The following DCC variants were observed in gnomAD, a reference collection of about 807,000 sequenced individuals.
DCC encodes the protein netrin receptor DCC.
Under a neutral mutation model 172.5 loss-of-function variants are expected in DCC, and 58 were observed. The ratio of observed to expected loss-of-function variants is 0.34; its 90% CI spans 0.27 to 0.42. The LOEUF (loss-of-function observed/expected upper bound fraction) is 0.42. DCC is among the 10% of genes least tolerant of loss of function. DCC has a pLI of 1.00. For synonymous variants in DCC, 709 were observed against 644.5 expected (o/e 1.10, Z -1.52); for missense variants, 1,740 against 1,791.0 (o/e 0.97, Z 0.51).
In DCC at chr18:53,473,175, C is replaced by T. The variant is rs547303637; in HGVS notation, c.3736+5165C>T. 3.9e-5 allele frequency among the ~76,000 whole-genome samples: 6 copies of T among 152,224 alleles called. No homozygotes were observed. In the East Asian group the frequency reaches 7.7e-4, roughly 20 times the overall value. On this transcript the variant is annotated intron_variant, in intron 25 of 28. Transcript: ENST00000442544. Reference sequence around the variant, plus strand: ...GTTTGAATAACATGTTCTTGTAGCACGATATAGCATTTATTACACACAATA... The same window carrying T: ...GTTTGAATAACATGTTCTTGTAGCATGATATAGCATTTATTACACACAATA...
chr18:53,216,780 A>G (rs1362943144), intron 12 of DCC, among the ~76,000 whole-genome samples: 1 of 152,190 alleles, frequency 6.6e-6, no homozygotes, highest in Non-Finnish European at 1.5e-5. Flanking sequence ...TAAAGCAAAC[A>G]TAAAATTAGA....
intron 1 of DCC, among the ~76,000 whole-genome samples, chr18:52,743,625 G>A (rs1051083516): frequency 6.6e-5 from 10 of 152,176 alleles, no homozygotes; most frequent in African/African-American, 2.4e-4. Flanking sequence ...GGACACTCAG[G>A]CAGTTGCCTG....
chr18:53,344,667 C>G (rs906791386), intron 15 of DCC, among the ~76,000 whole-genome samples: 6 of 151,302 alleles, frequency 4.0e-5, no homozygotes, highest in Non-Finnish European at 8.8e-5. Flanking sequence ...GTCTTGAACT[C>G]CTGATGTCAT....
At chr18:52,830,242 A>C (rs987386286) in intron 2 of DCC, among the ~76,000 whole-genome samples, 6 of 152,208 alleles carry the variant, frequency 3.9e-5, no homozygotes, top group Non-Finnish European at 7.3e-5. Context: ...AATGTGGTCC[A>C]ACACAAACTC....
intron 1 of DCC, among the ~76,000 whole-genome samples, chr18:52,740,796 T>G (rs2036810459): frequency 6.6e-6 from 1 of 152,204 alleles, no homozygotes; most frequent in South Asian, 2.1e-4. Context: ...GTAACTGTAC[T>G]CTTTGTGGTC....
intron 14 of DCC, among the ~76,000 whole-genome samples, chr18:53,339,019 A>G (rs1488341072): frequency 2.6e-5 from 4 of 152,206 alleles, no homozygotes; most frequent in Non-Finnish European, 1.5e-5. Context: ...AATATTTGGA[A>G]TGCCAACTTA....
rs539181092 is a variant in DCC at position 52,644,308 on chromosome 18, A to G, written c.92-107746A>G. ...AGTTAGTGTGTAGAGGCTGGGTGTG[A>G]TGGCTCACGCCTGTAATCCCAGCAT... is the stretch of plus-strand genomic sequence containing the variant. On this transcript the variant is annotated intron_variant, in intron 1 of 28. Transcript: ENST00000442544. Among the ~76,000 whole-genome samples the G allele has an allele frequency of 1.2e-3, 183 of 152,152 alleles. 3 individuals carry two copies. Among genetic ancestry groups the G allele is most frequent in the African/African-American group, 4.3e-3 (177 of 41,520 alleles).
intron 13 of DCC, among the ~76,000 whole-genome samples, chr18:53,317,815 G>T (rs1353375239): frequency 1.3e-5 from 2 of 152,078 alleles, no homozygotes; most frequent in Non-Finnish European, 2.9e-5. Context: ...TATTTCTGTG[G>T]GATCAGTGGT....
chr18:52,755,811 G>A (rs1023604512), intron 2 of DCC, among the ~76,000 whole-genome samples: 1 of 151,774 alleles, frequency 6.6e-6, no homozygotes, highest in African/African-American at 2.4e-5. Flanking sequence ...CTTTCTCAAA[G>A]TGTCTTTTGA....
At chr18:52,393,568 T>C (rs1196806532) in intron 1 of DCC, among the ~76,000 whole-genome samples, 1 of 152,048 alleles carries the variant, frequency 6.6e-6, no homozygotes, top group Non-Finnish European at 1.5e-5. Context: ...CCTGCATCAG[T>C]ATCACCAGGA....
At chr18:52,718,862 C>G (rs565398875) in intron 1 of DCC, among the ~76,000 whole-genome samples, 3 of 152,258 alleles carry the variant, frequency 2.0e-5, no homozygotes, top group African/African-American at 7.2e-5. Flanking sequence ...AAATAGCAAT[C>G]CTTTTAGGAC....
At chr18:53,047,099 T>C (rs2144020783) in intron 5 of DCC, among the ~76,000 whole-genome samples, 1 of 150,522 alleles carries the variant, frequency 6.6e-6, no homozygotes, top group East Asian at 2.0e-4. Context: ...AGTGGACAAA[T>C]ATGATAAAAA....
At chr18:53,210,975 T>C (rs1568367614) in intron 11 of DCC, among the ~76,000 whole-genome samples, 1 of 152,074 alleles carries the variant, frequency 6.6e-6, no homozygotes, top group Non-Finnish European at 1.5e-5. Context: ...ACCACTGAGA[T>C]TATACAGCAT....
At chr18:53,058,248 A>G (rs2042440735) in intron 5 of DCC, among the ~76,000 whole-genome samples, 1 of 152,162 alleles carries the variant, frequency 6.6e-6, no homozygotes, top group African/African-American at 2.4e-5. Flanking sequence ...GAATTAGTTT[A>G]AGTAGATTAA....
intron 5 of DCC, among the ~76,000 whole-genome samples, chr18:53,037,137 C>T (rs1409094197): frequency 6.6e-6 from 1 of 151,922 alleles, no homozygotes; most frequent in Non-Finnish European, 1.5e-5. Context: ...TCAACTCAGT[C>T]AATGATGCCT....
chr18:52,423,256 T>C (rs1987310780), intron 1 of DCC, among the ~76,000 whole-genome samples: 1 of 152,148 alleles, frequency 6.6e-6, no homozygotes, highest in South Asian at 2.1e-4. Context: ...ATCGGCTGTA[T>C]ACACAAGTGC....
chr18:53,320,197 C>T (rs1473632598), intron 13 of DCC, among the ~76,000 whole-genome samples: 3 of 151,496 alleles, frequency 2.0e-5, no homozygotes, highest in Non-Finnish European at 4.4e-5. Context: ...CTCAGCCTCC[C>T]GAGTAGCTGG....
At chr18:53,257,805 C>A (rs1468950841) in intron 12 of DCC, among the ~76,000 whole-genome samples, 1 of 152,114 alleles carries the variant, frequency 6.6e-6, no homozygotes, top group South Asian at 2.1e-4. Flanking sequence ...CCTCCTTGTA[C>A]CTCTGGTAGA....
At position 53,486,885 on chromosome 18, in the gene DCC, G is replaced by T. The variant is rs753536689; in HGVS notation, c.3825G>T (p.Pro1275=). 2.6e-5 allele frequency: 42 copies of T among 1,614,110 alleles called. No homozygotes were observed. The highest frequency in any genetic ancestry group is 3.3e-5 in the Admixed American group (2 of 60,010). Residue 1275 remains proline (P), a synonymous_variant, in exon 26 of 29, where the codon CCG becomes CCT. Coordinates refer to ENST00000442544, the MANE Select transcript of DCC (RefSeq NM_005215.4). ...LPSPTCGYPH[P]QFTLRPVPFP... is the part of the protein sequence containing the mutation. ...CTCCCACCTGTGGATATCCCCACCC[G>T]CAGTTCACTCTCCGGCCTGTGCCAT...
Sources: gnomAD v4.1 joint callset for allele counts (sites outside exome capture counted in the v4.1 genomes callset) on GRCh38, gnomAD v4.1.1 for gene constraint, MANE v1.5 for transcripts, NCBI Gene and HGNC (gene_info 2026-07-23, HGNC 2026-07-21) for gene names.